SRPX: variants seen among roughly 807,000 people sequenced by gnomAD.
SRPX encodes sushi repeat containing protein X-linked.
Under a neutral mutation model 38.1 loss-of-function variants are expected in SRPX, and 24 were observed. That is an observed-to-expected ratio of 0.63 (90% CI 0.46 to 0.89). The LOEUF (loss-of-function observed/expected upper bound fraction) is 0.89, where lower values mean the gene tolerates loss of function less well. Ranked by LOEUF, SRPX falls within the 40% of genes least tolerant of loss-of-function variation. SRPX has a pLI of 0.00. For synonymous variants in SRPX, 184 were observed against 153.8 expected, an observed-to-expected ratio of 1.20 and a Z score of -1.45; for missense variants, 416 against 377.8, an observed-to-expected ratio of 1.10 and a Z score of -0.84.
chrX:38,161,826 G>C (rs1938269486), intron 5 of SRPX, among the ~76,000 whole-genome samples: 1 of 111,534 alleles, frequency 9.0e-6, no homozygotes, highest in South Asian at 3.8e-4. Flanking sequence ...TGCCTAATGA[G>C]GACACCAATA....
rs148318090 is a variant in SRPX at position 38,171,903 on chromosome X, G to A, written c.504C>T (p.Ser168=). The A allele has an allele frequency of 5.4e-5, 65 of 1,209,560 alleles. No homozygotes were observed. The African/African-American group carries it at 8.9e-4, about 17-fold the overall frequency. Residue 168 remains serine (S), a synonymous_variant, in exon 4 of 10, where the codon AGC becomes AGT. Transcript: ENST00000378533. ...TVTCMDNKAW[S]GRPASCVDME... ...TACCCACACAGGAGGCTGGCCGGCC[G>A]CTCCAGGCCTTGTTGTCCATACATG...
chrX:38,165,935 A>C (rs1420157173), intron 4 of SRPX, among the ~76,000 whole-genome samples: 1 of 112,055 alleles, frequency 8.9e-6, no homozygotes, highest in Non-Finnish European at 1.9e-5. Flanking sequence ...TGAGGGCTCA[A>C]AGTAAATGAG....
In SRPX at chrX:38,164,905, T is replaced by C. The variant is rs769560476; in HGVS notation, c.527-10A>G. The stretch of plus-strand genomic sequence containing the variant: ...CTAGGAGGTTCCATATCTGAAAATA[T>C]AACCAAAACATTCTCATCATCATCA... On this transcript the variant is annotated splice_polypyrimidine_tract_variant and intron_variant, in intron 4 of 9. Coordinates refer to ENST00000378533, the MANE Select transcript of SRPX (RefSeq NM_006307.5). 4 of 1,206,281 alleles carry C rather than the reference T, an allele frequency of 3.3e-6. No individual in the cohort carries two copies. Among genetic ancestry groups the C allele is most frequent in the Non-Finnish European group, 4.5e-6 (4 of 892,679 alleles).
rs1276732064 is a variant in SRPX, at chrX:38,178,268, A to G, written c.157+17T>C. The stretch of plus-strand genomic sequence containing the variant: ...GGCACCAGCAGGTCCTCATTAGCAC[A>G]TAAGCAAAGCATTCACCTTTATATC... On this transcript the variant is annotated intron_variant, in intron 2 of 9. Coordinates refer to ENST00000378533, the MANE Select transcript of SRPX (RefSeq NM_006307.5). 4 of 1,202,196 alleles carry G rather than the reference A, an allele frequency of 3.3e-6. No individual in the cohort carries two copies. Among genetic ancestry groups the G allele is most frequent in the African/African-American group, 1.7e-5 (1 of 57,604 alleles).
At chrX:38,154,410 G>A in intron 9 of SRPX, 52 bp downstream of exon 9, 1 of 1,165,429 alleles carries the variant, frequency 8.6e-7, no homozygotes, top group Non-Finnish European at 1.1e-6. Flanking sequence ...AACCTAATCA[G>A]TTAAAAATGC....
Position 38,220,734 on chromosome X carries a change from A to AGCAGCAGAG in SRPX, c.58_59insCTCTGCTGC (p.Leu19_Leu20insProLeuLeu), listed in dbSNP as rs781027708. ...GCTGGGCGGGACGCGCAGCAGCAGC[A>AGCAGCAGAG]GCAGCAGCAGAGGCGGCAGCAGCAG... On this transcript the variant is annotated inframe_insertion, in exon 1 of 10. Coordinates refer to ENST00000378533, the MANE Select transcript of SRPX (RefSeq NM_006307.5). 141 of 1,162,802 alleles carry AGCAGCAGAG rather than the reference A, an allele frequency of 1.2e-4. No homozygotes were observed. Among genetic ancestry groups the AGCAGCAGAG allele is most frequent in the Non-Finnish European group, 1.5e-4 (132 of 875,516 alleles).
intron 9 of SRPX, among the ~76,000 whole-genome samples, chrX:38,151,120 G>A (rs1938002886): frequency 3.6e-5 from 4 of 112,048 alleles, no homozygotes; most frequent in African/African-American, 1.3e-4. Context: ...GAGGAAGAAG[G>A]GAATAATTTG....
chrX:38,186,789 T>C (rs1938796832), intron 1 of SRPX, among the ~76,000 whole-genome samples: 2 of 111,898 alleles, frequency 1.8e-5, no homozygotes, highest in Admixed American at 1.9e-4. Context: ...TTGATTGATA[T>C]GGAGGAACAT....
rs755265102 is a variant in SRPX, at chrX:38,183,144, C to A, written c.98-4800G>T. ...TCCCGGCTTACTGCAGCCTCCATCT[C>A]CTGGGTCCAAGAGATTCTCGTGCCT... On this transcript the variant is annotated intron_variant, in intron 1 of 9. Coordinates refer to ENST00000378533, the MANE Select transcript of SRPX (RefSeq NM_006307.5). 6.4e-5 allele frequency among the ~76,000 whole-genome samples: 7 copies of A among 108,608 alleles called. No individual in the cohort carries two copies. In the Admixed American group the frequency reaches 6.9e-4, roughly 11 times the overall value. The allele number at this position is 108,608 out of a possible 115,157, so 94.3% of individuals were successfully genotyped here. A position where few individuals can be genotyped will look rare whatever the true frequency, so the allele number is the denominator to read the frequency against.
At chrX:38,189,454 C>G (rs1321630247) in intron 1 of SRPX, among the ~76,000 whole-genome samples, 1 of 111,864 alleles carries the variant, frequency 8.9e-6, no homozygotes, top group African/African-American at 3.3e-5. Context: ...GAATGTAAAC[C>G]TGGGGAGGGC....
chrX:38,170,250 T>C (rs1387591535), intron 4 of SRPX, among the ~76,000 whole-genome samples: 2 of 111,739 alleles, frequency 1.8e-5, no homozygotes, highest in African/African-American at 6.5e-5. Context: ...GCCAAGACTG[T>C]TGAAGGTTGT....
At chrX:38,161,144 G>C in intron 5 of SRPX, 90 bp from the exon 6 acceptor site, 1 of 1,016,746 alleles carries the variant, frequency 9.8e-7, no homozygotes, top group Non-Finnish European at 1.3e-6. Context: ...GACATGGAGA[G>C]ACTGAGGGGC....
At chrX:38,209,381 C>T (rs1319456368) in intron 1 of SRPX, among the ~76,000 whole-genome samples, 1 of 111,715 alleles carries the variant, frequency 9.0e-6, no homozygotes. Flanking sequence ...AGTGACAACA[C>T]AGCAGTTACA....
intron 1 of SRPX, among the ~76,000 whole-genome samples, chrX:38,180,553 A>T (rs1046775618): frequency 8.9e-6 from 1 of 112,048 alleles, no homozygotes; most frequent in Non-Finnish European, 1.9e-5. Context: ...TGTTGTCTGG[A>T]TATCTCCACA....
In SRPX at chrX:38,149,654, G is replaced by A. The variant is rs1937971273; in HGVS notation, c.*57C>T. ...TCAAGGATATTTTTAAGGCTTTCCC[G>A]TGTGCATGTCACTATGTAGACAATG... is the stretch of plus-strand genomic sequence containing the variant. On this transcript the variant is annotated 3_prime_UTR_variant, in exon 10 of 10. Transcript: ENST00000378533. 23 of 1,046,978 alleles carry A rather than the reference G, an allele frequency of 2.2e-5. No homozygotes were observed. Among genetic ancestry groups the A allele is most frequent in the South Asian group, 2.6e-5 (1 of 37,834 alleles). The allele number at this position is 1,046,978 out of a possible 1,213,427, so 86.3% of individuals were successfully genotyped here.
chrX:38,164,626 A>G, intron 5 of SRPX, 143 bp downstream of exon 5: 1 of 550,265 alleles, frequency 1.8e-6, no homozygotes, highest in African/African-American at 2.3e-5. Flanking sequence ...TACATAGGTG[A>G]CATATATAGT....
chrX:38,176,307 G>A lies in SRPX; in HGVS notation c.158-1956C>T, dbSNP rs781208214. On this transcript the variant is annotated intron_variant, in intron 2 of 9. Coordinates refer to ENST00000378533, the MANE Select transcript of SRPX (RefSeq NM_006307.5). Reference sequence around the variant, plus strand: ...ACTCAATTAATATGAATATATGATGGTATTCCAAGCAAAAGAATCAAAAGC... The same window carrying A: ...ACTCAATTAATATGAATATATGATGATATTCCAAGCAAAAGAATCAAAAGC... Among the ~76,000 whole-genome samples, 6 of 111,363 alleles carry A rather than the reference G, an allele frequency of 5.4e-5. No individual in the cohort carries two copies. In the East Asian group the frequency reaches 1.7e-3, roughly 31 times the overall value.
intron 1 of SRPX, among the ~76,000 whole-genome samples, chrX:38,209,215 A>G (rs1414999029): frequency 9.1e-6 from 1 of 110,291 alleles, no homozygotes; most frequent in African/African-American, 3.3e-5. Flanking sequence ...GGAAGTTGTC[A>G]GTTGTCTCAT....
intron 2 of SRPX, among the ~76,000 whole-genome samples, chrX:38,177,080 T>C (rs932289836): frequency 5.4e-5 from 6 of 110,947 alleles, no homozygotes; most frequent in African/African-American, 2.0e-4. Context: ...GCTGTAGATG[T>C]GAAGGGTCAT....
Sources: gnomAD v4.1 joint callset for allele counts (sites outside exome capture counted in the v4.1 genomes callset) on GRCh38, gnomAD v4.1.1 for gene constraint, MANE v1.5 for transcripts, NCBI Gene and HGNC (gene_info 2026-07-23, HGNC 2026-07-21) for gene names.